The following RAB22A variants were observed in gnomAD, a reference collection of about 807,000 sequenced individuals.
The protein encoded by RAB22A is ras-related protein Rab-22A.
A neutral mutation model predicts 30.2 loss-of-function variants in RAB22A; 13 were observed. That is an observed-to-expected ratio of 0.43 (90% confidence interval 0.28 to 0.68). RAB22A has a LOEUF of 0.68. RAB22A is among the 30% of genes least tolerant of loss of function. RAB22A has a pLI of 0.18. For synonymous variants in RAB22A, 89 were observed against 87.2 expected (o/e 1.02, Z -0.11); for missense variants, 177 against 246.8 (o/e 0.72, Z 1.89).
chr20:58,346,606 C>G (rs956372027), intron 3 of RAB22A, among the ~76,000 whole-genome samples: 2 of 152,196 alleles, frequency 1.3e-5, no homozygotes, highest in Admixed American at 6.5e-5. Context: ...CATTACTGCC[C>G]TTACTCATTT....
chr20:58,327,860 CAA>C (rs1039820840), intron 2 of RAB22A, among the ~76,000 whole-genome samples: 2 of 152,060 alleles, frequency 1.3e-5, no homozygotes, highest in African/African-American at 2.4e-5. Flanking sequence ...TCTAAAAAGT[CAA>C]AGAGAGACTG....
At position 58,366,318 on chromosome 20, in the gene RAB22A, A is replaced by G. The variant is rs1485621219; in HGVS notation, c.*6615A>G. Reference sequence around the variant, plus strand: ...GCTTTTCTAACAAGCACAGTCAGAAATGCGCAGGCCTGGGGTTGGGGATGA... The same window carrying G: ...GCTTTTCTAACAAGCACAGTCAGAAGTGCGCAGGCCTGGGGTTGGGGATGA... On this transcript the variant is annotated 3_prime_UTR_variant, in exon 7 of 7. Coordinates refer to ENST00000244040, the MANE Select transcript of RAB22A (RefSeq NM_020673.3). The G allele has an allele frequency of 6.6e-6, 1 of 152,222 alleles. No homozygotes were observed. Among genetic ancestry groups the G allele is most frequent in the African/African-American group, 2.4e-5 (1 of 41,446 alleles). 9.4% of individuals were successfully genotyped at this position (152,222 alleles called of 1,614,324 possible).
rs757592500 is a variant in RAB22A, at chr20:58,359,832, G to A, written c.*129G>A. 7.7e-5 allele frequency: 54 copies of A among 703,686 alleles called. 1 individual carries two copies. Among genetic ancestry groups the A allele is most frequent in the Non-Finnish European group, 1.2e-4 (51 of 432,544 alleles). 43.6% of individuals were successfully genotyped at this position (703,686 alleles called of 1,614,324 possible). A position where few individuals can be genotyped will look rare whatever the true frequency, so the allele number is the denominator to read the frequency against. ...CTTCTCCGTGCAAAAAGGATTCACA[G>A]AAATGGACCAGTTCTGTTCTCCAAA... On this transcript the variant is annotated 3_prime_UTR_variant, in exon 7 of 7. Coordinates refer to ENST00000244040, the MANE Select transcript of RAB22A (RefSeq NM_020673.3).
At chr20:58,326,362 T>C (rs1986568812) in intron 2 of RAB22A, among the ~76,000 whole-genome samples, 1 of 152,206 alleles carries the variant, frequency 6.6e-6, no homozygotes, top group South Asian at 2.1e-4. Context: ...ATAGATAAAT[T>C]TCCCTATTCT....
At chr20:58,310,680 C>T (rs367805622) in intron 1 of RAB22A, among the ~76,000 whole-genome samples, 2 of 152,154 alleles carry the variant, frequency 1.3e-5, no homozygotes, top group Non-Finnish European at 2.9e-5. Context: ...AATCTTTATT[C>T]CCCCAAATAG....
chr20:58,312,279 CTTT>C (rs200841573), intron 2 of RAB22A, among the ~76,000 whole-genome samples: 6 of 134,288 alleles, frequency 4.5e-5, no homozygotes, highest in Admixed American at 7.6e-5. Context: ...TTTTTGTCTG[CTTT>C]TTTTTTTTTT....
intron 6 of RAB22A, among the ~76,000 whole-genome samples, 189 bp downstream of exon 6, chr20:58,354,454 G>A (rs893625130): frequency 2.0e-5 from 3 of 152,152 alleles, no homozygotes; most frequent in Non-Finnish European, 2.9e-5. Context: ...AAGAGCTGCC[G>A]CCCTTCTGGA....
At chr20:58,353,075 T>C (rs1341558690) in intron 3 of RAB22A, among the ~76,000 whole-genome samples, 198 bp from the exon 4 acceptor site, 1 of 152,258 alleles carries the variant, frequency 6.6e-6, no homozygotes, top group Non-Finnish European at 1.5e-5. Flanking sequence ...TGAACTATCT[T>C]CTGAGAGACA....
intron 3 of RAB22A, among the ~76,000 whole-genome samples, chr20:58,345,275 G>A (rs768171893): frequency 5.9e-5 from 9 of 151,912 alleles, no homozygotes; most frequent in East Asian, 5.8e-4. Context: ...ATGCAGTGGC[G>A]TATAACATCT....
rs78791267 is a variant in RAB22A, at chr20:58,364,147, A to C, written c.*4444A>C. On this transcript the variant is annotated 3_prime_UTR_variant, in exon 7 of 7. Transcript: ENST00000244040. ...AGCCTCCATTTTTTCAGTCTAAGAG[A>C]ATGATAAGTGAGAGGCCTATTGTGA... 6.1e-4 allele frequency: 93 copies of C among 152,754 alleles called. 1 individual carries two copies. In the East Asian group the frequency reaches 0.017, roughly 28 times the overall value. 9.5% of individuals were successfully genotyped at this position (152,754 alleles called of 1,614,324 possible).
chr20:58,311,206 C>G (rs113877734), intron 2 of RAB22A, 84 bp downstream of exon 2: 319 of 1,243,820 alleles, frequency 2.6e-4, no homozygotes, highest in African/African-American at 1.9e-3. Flanking sequence ...GTAGGCCCTG[C>G]GCTTTGTAGT....
rs138347465 is a variant in RAB22A, at chr20:58,312,769, C to G, written c.116+1647C>G. 9.3e-3 allele frequency among the ~76,000 whole-genome samples: 1,409 copies of G among 152,136 alleles called. 22 individuals carry two copies. The highest frequency in any genetic ancestry group is 0.031 in the Middle Eastern group (9 of 294). On this transcript the variant is annotated intron_variant, in intron 2 of 6. Transcript: ENST00000244040. Reference sequence around the variant, plus strand: ...CCTCCCAAAGTGCTGAGATTACAGGCGTGAGCCACCGTGCCTGGCCGCCTA... The same window carrying G: ...CCTCCCAAAGTGCTGAGATTACAGGGGTGAGCCACCGTGCCTGGCCGCCTA...
At chr20:58,311,455 T>A (rs1986224451) in intron 2 of RAB22A, among the ~76,000 whole-genome samples, 1 of 152,252 alleles carries the variant, frequency 6.6e-6, no homozygotes, top group Non-Finnish European at 1.5e-5. Context: ...GGTGCTATTC[T>A]TTCAGGCATA....
chr20:58,352,647 G>A (rs998548485), intron 3 of RAB22A, among the ~76,000 whole-genome samples: 19 of 152,160 alleles, frequency 1.2e-4, no homozygotes, highest in African/African-American at 4.1e-4. Context: ...GTGTGTCACC[G>A]GTTGTGGAGG....
chr20:58,360,747 A>G lies in RAB22A; in HGVS notation c.*1044A>G, dbSNP rs1987211831. On this transcript the variant is annotated 3_prime_UTR_variant, in exon 7 of 7. Coordinates refer to ENST00000244040, the MANE Select transcript of RAB22A (RefSeq NM_020673.3). ...TAACGGGAGACTCAAGCACATTGGT[A>G]TTGTATAAAGGTATAGAGCACTTAG... The G allele has an allele frequency of 1.3e-5, 2 of 152,594 alleles. No individual in the cohort carries two copies. The highest frequency in any genetic ancestry group is 6.5e-5 in the Admixed American group (1 of 15,274). 9.5% of individuals were successfully genotyped at this position (152,594 alleles called of 1,614,324 possible).
chr20:58,341,608 G>C (rs1986855471), intron 2 of RAB22A, among the ~76,000 whole-genome samples: 1 of 152,156 alleles, frequency 6.6e-6, no homozygotes, highest in South Asian at 2.1e-4. Flanking sequence ...AAAGGGGAGA[G>C]TAGAAGGGTG....
Position 58,334,395 on chromosome 20 carries a change from T to G in RAB22A, c.117-9323T>G, listed in dbSNP as rs541156637. 4.6e-5 allele frequency among the ~76,000 whole-genome samples: 7 copies of G among 151,742 alleles called. No homozygotes were observed. In the South Asian group the frequency reaches 1.5e-3, roughly 32 times the overall value. On this transcript the variant is annotated intron_variant, in intron 2 of 6. Coordinates refer to ENST00000244040, the MANE Select transcript of RAB22A (RefSeq NM_020673.3). ...AATACTGCCGTCCATATTTGATCTA[T>G]CCAAAGAAGATAGAAAAAGAAGAGC... is the stretch of plus-strand genomic sequence containing the variant.
At chr20:58,351,206 A>G (rs1282002741) in intron 3 of RAB22A, among the ~76,000 whole-genome samples, 1 of 150,818 alleles carries the variant, frequency 6.6e-6, no homozygotes, top group African/African-American at 2.4e-5. Context: ...GCATGGTGGC[A>G]CTTACTGTAA....
intron 5 of RAB22A, 138 bp downstream of exon 5, chr20:58,353,676 A>C: frequency 1.3e-6 from 1 of 754,244 alleles, no homozygotes; most frequent in Non-Finnish European, 2.1e-6. Context: ...TGGAGTCCTA[A>C]ATTTTTAAAC....
Sources: gnomAD v4.1 joint callset for allele counts (sites outside exome capture counted in the v4.1 genomes callset) on GRCh38, gnomAD v4.1.1 for gene constraint, MANE v1.5 for transcripts, NCBI Gene and HGNC (gene_info 2026-07-23, HGNC 2026-07-21) for gene names.